Variants in PLEKHA5 observed in about 807,000 individuals in gnomAD.
PLEKHA5 encodes pleckstrin homology domain containing A5.
A neutral mutation model predicts 181.9 loss-of-function variants in PLEKHA5; 55 were observed. That is an observed-to-expected ratio of 0.30 (90% CI 0.24 to 0.38). PLEKHA5 has a LOEUF of 0.38. PLEKHA5 is among the 10% of genes least tolerant of loss of function. The probability of loss-of-function intolerance (pLI) is 1.00; values close to 1 mark genes in which losing one functional copy is unlikely to be tolerated. For missense variants in PLEKHA5, 1,432 were observed against 1,549.5 expected, an observed-to-expected ratio of 0.92 and a Z score of 1.27; for synonymous variants, 535 against 529.4, an observed-to-expected ratio of 1.01 and a Z score of -0.15.
chr12:19,330,505 G>A (rs1338840530), intron 20 of PLEKHA5, among the ~76,000 whole-genome samples: 1 of 152,022 alleles, frequency 6.6e-6, no homozygotes, highest in African/African-American at 2.4e-5. Flanking sequence ...GTGTAATGAG[G>A]CATGCCATGT....
intron 3 of PLEKHA5, among the ~76,000 whole-genome samples, chr12:19,198,341 G>A (rs146964301): frequency 3.9e-5 from 6 of 152,238 alleles, no homozygotes; most frequent in African/African-American, 1.2e-4. Flanking sequence ...AGATATGCCA[G>A]GCTTAGAGCC....
At chr12:19,141,177 C>A (rs1287987317) in intron 3 of PLEKHA5, among the ~76,000 whole-genome samples, 1 of 152,110 alleles carries the variant, frequency 6.6e-6, no homozygotes, top group South Asian at 2.1e-4. Context: ...CCCTCCCCCC[C>A]AACAGAAAGC....
chr12:19,269,963 G>A, intron 9 of PLEKHA5, 78 bp downstream of exon 9: 1 of 767,012 alleles, frequency 1.3e-6, no homozygotes, highest in Non-Finnish European at 2.2e-6. Flanking sequence ...CACTGTCATA[G>A]TACATATCAT....
intron 3 of PLEKHA5, among the ~76,000 whole-genome samples, chr12:19,165,399 C>T (rs532561848): frequency 5.3e-5 from 8 of 151,350 alleles, no homozygotes; most frequent in South Asian, 4.2e-4. Flanking sequence ...ATTTAGAAAC[C>T]GAGGATATGA....
At chr12:19,231,249 T>C (rs1219260046) in intron 3 of PLEKHA5, among the ~76,000 whole-genome samples, 1 of 152,024 alleles carries the variant, frequency 6.6e-6, no homozygotes, top group Non-Finnish European at 1.5e-5. Context: ...AAACATACCA[T>C]GTATCTTCCA....
chr12:19,221,230 T>C (rs1051087819), intron 3 of PLEKHA5, among the ~76,000 whole-genome samples: 7 of 152,142 alleles, frequency 4.6e-5, no homozygotes, highest in Admixed American at 2.0e-4. Context: ...TTGCCAAAAC[T>C]GGAAGCAACC....
At chr12:19,233,443 T>G (rs1295148568) in intron 3 of PLEKHA5, among the ~76,000 whole-genome samples, 1 of 152,154 alleles carries the variant, frequency 6.6e-6, no homozygotes. Flanking sequence ...AAGAGATTGG[T>G]AGGAGATCTG....
chr12:19,370,951 G>A (rs1029238791), intron 31 of PLEKHA5: 4 of 150,960 alleles, frequency 2.6e-5, no homozygotes, highest in Admixed American at 2.0e-4. Flanking sequence ...ATGAGCCACT[G>A]TGCCTAGCCT....
At chr12:19,309,584 C>G (rs1489895290) in intron 15 of PLEKHA5, among the ~76,000 whole-genome samples, 2 of 151,870 alleles carry the variant, frequency 1.3e-5, no homozygotes, top group South Asian at 4.2e-4. Context: ...GGTGAAACCC[C>G]GTCTTTACTA....
chr12:19,199,949 A>T (rs555566903), intron 3 of PLEKHA5, among the ~76,000 whole-genome samples: 2 of 152,242 alleles, frequency 1.3e-5, no homozygotes, highest in East Asian at 3.9e-4. Context: ...AATGAATATC[A>T]TGGAGGTCGA....
At chr12:19,328,265 G>A (rs1160494018) in intron 20 of PLEKHA5, among the ~76,000 whole-genome samples, 1 of 152,120 alleles carries the variant, frequency 6.6e-6, no homozygotes, top group Admixed American at 6.6e-5. Flanking sequence ...GTAGTGTAAT[G>A]CCTCTGGCTT....
At chr12:19,139,859 A>C (rs879343295) in intron 3 of PLEKHA5, among the ~76,000 whole-genome samples, 1 of 152,142 alleles carries the variant, frequency 6.6e-6, no homozygotes, top group Admixed American at 6.5e-5. Flanking sequence ...TTGGACCACA[A>C]CCTGAGTGAA....
At chr12:19,290,934 A>T in intron 14 of PLEKHA5, 138 bp downstream of exon 14, 1 of 731,614 alleles carries the variant, frequency 1.4e-6, no homozygotes, top group Admixed American at 3.4e-5. Flanking sequence ...AGAATCTCCT[A>T]TTAACCCTTT....
At position 19,140,837 on chromosome 12, in the gene PLEKHA5, G is replaced by A. The variant is rs2037045411; in HGVS notation, c.227+8387G>A. Among the ~76,000 whole-genome samples the A allele has an allele frequency of 2.6e-5, 4 of 152,144 alleles. No homozygotes were observed. In the South Asian group the frequency reaches 8.3e-4, roughly 32 times the overall value. ...AGAGTCTCGCTCTGTTGCCTAGGCT[G>A]GAGTACAGTGACTCAGTCTCGGTTC... On this transcript the variant is annotated intron_variant, in intron 3 of 31. Transcript: ENST00000429027.
chr12:19,307,151 G>A, intron 15 of PLEKHA5: 1 of 787,808 alleles, frequency 1.3e-6, no homozygotes, highest in Non-Finnish European at 2.2e-6. Flanking sequence ...GTTTCACCAA[G>A]TCTGAAATCG....
intron 3 of PLEKHA5, among the ~76,000 whole-genome samples, chr12:19,248,962 A>G (rs2064503471): frequency 6.6e-6 from 1 of 152,188 alleles, no homozygotes; most frequent in African/African-American, 2.4e-5. Context: ...TACAGCTTCT[A>G]TTATAAAGTA....
At chr12:19,361,109 A>G (rs2095221639) in intron 28 of PLEKHA5, among the ~76,000 whole-genome samples, 1 of 152,124 alleles carries the variant, frequency 6.6e-6, no homozygotes, top group Non-Finnish European at 1.5e-5. Flanking sequence ...AAGAATGTTA[A>G]TATTATTAAT....
At chr12:19,282,548 A>G (rs74064447) in intron 11 of PLEKHA5, among the ~76,000 whole-genome samples, 1 of 152,228 alleles carries the variant, frequency 6.6e-6, no homozygotes, top group Non-Finnish European at 1.5e-5. Flanking sequence ...ATATACTTGT[A>G]GTAATTTATT....
At position 19,130,128 on chromosome 12, in the gene PLEKHA5, C is replaced by T; in HGVS notation, c.167C>T (p.Thr56Ile). The T allele has an allele frequency of 1.9e-6, 3 of 1,562,638 alleles. No individual in the cohort carries two copies. Among genetic ancestry groups the T allele is most frequent in the Admixed American group, 1.9e-5 (1 of 53,996 alleles). ...AVVTGHRRQS[T>I]DLPTGWEEAY... ...GTCACCGGACACCGGCGGCAGAGCA[C>T]AGGTAACGCCGGGCCCAAACGGAGT... is the stretch of plus-strand genomic sequence containing the variant. The change falls in exon 2 of 32, where the codon ACA becomes ATA. Residue 56 changes from threonine to isoleucine, a missense_variant and splice_region_variant. Thr to Ile is a moderately conservative substitution (Grantham distance 89). This residue lies in a region of PLEKHA5 where 289 missense variants were observed against 381.1 expected (regional missense o/e 0.76). Coordinates refer to ENST00000429027, the MANE Select transcript of PLEKHA5 (RefSeq NM_001256470.2). This position sits in a 1 kb window ranked among gnomAD's most constrained non-coding sequence, Gnocchi z 4.5.
Sources: gnomAD v4.1 joint callset for allele counts (sites outside exome capture counted in the v4.1 genomes callset) on GRCh38, gnomAD v4.1.1 for gene constraint, gnomAD v4.1.1 regional missense constraint, Gnocchi (gnomAD v3.1) non-coding constraint, MANE v1.5 for transcripts, NCBI Gene and HGNC (gene_info 2026-07-23, HGNC 2026-07-21) for gene names.